PEAR1: variants seen among roughly 807,000 people sequenced by gnomAD.
The protein encoded by PEAR1 is platelet endothelial aggregation receptor 1.
PEAR1 carries 113 observed loss-of-function variants against 131.2 expected under a neutral mutation model. The observed-to-expected ratio is 0.86, with a 90% confidence interval of 0.74 to 1.01. The LOEUF is 1.01. PEAR1 is among the 50% of genes least tolerant of loss of function. The probability of loss-of-function intolerance (pLI) is 0.00; values close to 1 mark genes in which losing one functional copy is unlikely to be tolerated. For missense variants in PEAR1, 1,408 were observed against 1,391.1 expected, an observed-to-expected ratio of 1.01 and a Z score of -0.19; for synonymous variants, 565 against 523.3, an observed-to-expected ratio of 1.08 and a Z score of -1.09.
At chr1:156,905,259 CT>C (rs1221404212) in intron 3 of PEAR1, 64 bp from the exon 4 acceptor site, 16 of 1,530,434 alleles carry the variant, frequency 1.0e-5, no homozygotes, top group Non-Finnish European at 1.4e-5. Context: ...TGGCCTCCCC[CT>C]GGCCACACTG....
At chr1:156,911,761 T>G (rs1259414145) in intron 15 of PEAR1, among the ~76,000 whole-genome samples, 2 of 152,230 alleles carry the variant, frequency 1.3e-5, no homozygotes, top group Non-Finnish European at 2.9e-5. Context: ...CAGGCTGTTA[T>G]GAAGAAGACT....
rs1229013182 is a variant in PEAR1, at chr1:156,905,075, G to T, written c.206+223G>T. 2.9e-6 allele frequency: 4 copies of T among 1,387,966 alleles called. No individual in the cohort carries two copies. In the South Asian group the frequency reaches 3.8e-5, roughly 13 times the overall value. The allele number at this position is 1,387,966 out of a possible 1,614,324, so 86.0% of individuals were successfully genotyped here. A position where few individuals can be genotyped will look rare whatever the true frequency, so the allele number is the denominator to read the frequency against. ...CGCATGCATGTTACAGTATATGCCTGTGGGGTTGGGGGGGGGGCAAGAAGG... is the reference window on the plus strand; with the variant it reads ...CGCATGCATGTTACAGTATATGCCTTTGGGGTTGGGGGGGGGGCAAGAAGG... On this transcript the variant is annotated intron_variant, in intron 3 of 22. Transcript: ENST00000292357.
Position 156,909,877 on chromosome 1 carries a change from C to T in PEAR1, c.1538C>T (p.Pro513Leu). 6.2e-7 allele frequency: 1 copy of T among 1,610,780 alleles called. No individual in the cohort carries two copies. Among genetic ancestry groups the T allele is most frequent in the Non-Finnish European group, 8.5e-7 (1 of 1,177,538 alleles). Residue 513 changes from proline to leucine, a missense_variant, in exon 12 of 23, where the codon CCT (proline) becomes CTT (leucine). Coordinates refer to ENST00000292357, the MANE Select transcript of PEAR1 (RefSeq NM_001080471.3). ...CAAACTGGAGCCTGTACCTGCACCCCTGGGTGGCATGGGGCCCACTGCCAG... is the reference window on the plus strand; with the variant it reads ...CAAACTGGAGCCTGTACCTGCACCCTTGGGTGGCATGGGGCCCACTGCCAG... ...SPQTGACTCT[P>L]GWHGAHCQLP...
rs2101544654 is a variant in PEAR1 at position 156,912,918 on chromosome 1, G to A, written c.2358G>A (p.Glu786=). Residue 786 remains glutamate (E), a synonymous_variant, in exon 18 of 23, where the codon GAG becomes GAA. Coordinates refer to ENST00000292357, the MANE Select transcript of PEAR1 (RefSeq NM_001080471.3). The part of the protein sequence containing the change: ...IGYRHWQKGK[E]HHHLAVAYSS... ...ATCGGCACTGGCAAAAAGGCAAGGA[G>A]CACCACCACCTGGCTGTGGCTTACA... 6.2e-7 allele frequency: 1 copy of A among 1,614,250 alleles called. No individual in the cohort carries two copies.
At chr1:156,910,176 G>C in intron 13 of PEAR1, 58 bp from the exon 14 acceptor site, 3 of 1,613,204 alleles carry the variant, frequency 1.9e-6, no homozygotes, top group Non-Finnish European at 2.5e-6. Context: ...GTGTCCAGAA[G>C]AGCCCCCTGG....
intron 15 of PEAR1, among the ~76,000 whole-genome samples, chr1:156,911,072 T>TCTTTCTTTCTTTCTTTC: frequency 8.8e-6 from 1 of 114,028 alleles, no homozygotes; most frequent in South Asian, 3.3e-4. Context: ...TTTCTTTCTT[T>TCTTTCTTTCTTTCTTTC]CTTTCTTTCT....
intron 11 of PEAR1, 120 bp downstream of exon 11, chr1:156,909,156 C>T: frequency 7.5e-7 from 1 of 1,330,820 alleles, no homozygotes; most frequent in Non-Finnish European, 1.0e-6. Context: ...GGTGGAGGGG[C>T]AGCAGCTGGA....
rs1171561115 is a variant in PEAR1, at chr1:156,910,011, G to A, written c.1581G>A (p.Gly527=). The A allele has an allele frequency of 3.1e-6, 5 of 1,613,628 alleles. No individual in the cohort carries two copies. Among genetic ancestry groups the A allele is most frequent in the South Asian group, 1.1e-5 (1 of 91,088 alleles). The part of the protein sequence containing the change: ...GAHCQLPCPK[G]QFGEGCASRC... ...CTCCCCACTCCTTCTCCAAGAAGGG[G>A]CAGTTTGGAGAAGGTTGTGCCAGTC... Residue 527 remains glycine, a synonymous_variant, in exon 13 of 23, where the codon GGG becomes GGA. Transcript: ENST00000292357.
intron 14 of PEAR1, 28 bp from the exon 15 acceptor site, chr1:156,910,590 C>T: frequency 6.2e-7 from 1 of 1,611,958 alleles, no homozygotes; most frequent in South Asian, 1.1e-5. Flanking sequence ...GCCTCTGCCC[C>T]CAATCACCAT....
At chr1:156,914,583 G>C (rs1035355149) in intron 22 of PEAR1, 64 bp from the exon 23 acceptor site, 6 of 1,506,692 alleles carry the variant, frequency 4.0e-6, no homozygotes, top group Admixed American at 3.7e-5. Context: ...TGCAGTGGGA[G>C]TGGAGGGAGT....
chr1:156,913,256 T>C lies in PEAR1; in HGVS notation c.2485T>C (p.Ser829Pro), dbSNP rs1558148845. Residue 829 changes from serine to proline, a missense_variant, in exon 19 of 23, where the codon TCC (serine) becomes CCC (proline). Ser to Pro is a moderately conservative substitution (Grantham distance 74). Transcript: ENST00000292357. ...NPSYHTLSQC[S>P]PNPPPPNKVP... is the part of the protein sequence containing the mutation. ...CAGCTACCACACCCTGTCGCAGTGC[T>C]CCCCAAACCCCCCACCCCCTAACAA... is the stretch of plus-strand genomic sequence containing the variant. The C allele has an allele frequency of 6.2e-7, 1 of 1,610,950 alleles. No individual in the cohort carries two copies. The highest frequency in any genetic ancestry group is 1.1e-5 in the South Asian group (1 of 90,436).
rs563724208 is a variant in PEAR1, at chr1:156,913,891, C to T, written c.2753C>T (p.Ser918Phe). Residue 918 changes from serine to phenylalanine, a missense_variant, in exon 22 of 23, where the codon TCC becomes TTC. Coordinates refer to ENST00000292357, the MANE Select transcript of PEAR1 (RefSeq NM_001080471.3). ...SEEELGASVA[S>F]LSSENPYATI... is the part of the protein sequence containing the mutation. Reference sequence around the variant, plus strand: ...GAGGAGCTCGGGGCCAGTGTGGCTTCCCTGAGCAGTGAGAACCCATATGCC... The same window carrying T: ...GAGGAGCTCGGGGCCAGTGTGGCTTTCCTGAGCAGTGAGAACCCATATGCC... The T allele has an allele frequency of 1.7e-5, 28 of 1,613,874 alleles. No individual in the cohort carries two copies. Among genetic ancestry groups the T allele is most frequent in the Admixed American group, 3.3e-5 (2 of 59,976 alleles).
chr1:156,898,927 A>G (rs1204491025), intron 1 of PEAR1, among the ~76,000 whole-genome samples: 6 of 152,234 alleles, frequency 3.9e-5, no homozygotes. Flanking sequence ...GGATGGGGAA[A>G]GGCAGATAGC....
intron 1 of PEAR1, among the ~76,000 whole-genome samples, chr1:156,894,848 G>A (rs1363401787): frequency 6.6e-6 from 1 of 152,210 alleles, no homozygotes; most frequent in African/African-American, 2.4e-5. Context: ...GGATTGGGCC[G>A]GGTGTCAGCT....
At chr1:156,912,156 T>G in intron 15 of PEAR1, 91 bp from the exon 16 acceptor site, 218 of 1,479,042 alleles carry the variant, frequency 1.5e-4, no homozygotes, top group Middle Eastern at 2.4e-4. Flanking sequence ...AGACCAAAGC[T>G]GAGCTAAAGG....
intron 6 of PEAR1, among the ~76,000 whole-genome samples, chr1:156,907,139 G>A (rs1287810881): frequency 6.6e-6 from 1 of 152,204 alleles, no homozygotes; most frequent in East Asian, 1.9e-4. Context: ...GATAACATGA[G>A]GTAGCACGTG....
intron 1 of PEAR1, among the ~76,000 whole-genome samples, chr1:156,898,375 G>A (rs1036728980): frequency 6.6e-6 from 1 of 152,084 alleles, no homozygotes; most frequent in Non-Finnish European, 1.5e-5. Flanking sequence ...CCCCTTTCCC[G>A]CCCAGCCTCT....
At position 156,907,553 on chromosome 1, in the gene PEAR1, A is replaced by G. The variant is rs750567990; in HGVS notation, c.645-57A>G. The G allele has an allele frequency of 1.1e-5, 17 of 1,564,708 alleles. No individual in the cohort carries two copies. In the Admixed American group the frequency reaches 2.0e-4, roughly 18 times the overall value. On this transcript the variant is annotated intron_variant, in intron 6 of 22. Coordinates refer to ENST00000292357, the MANE Select transcript of PEAR1 (RefSeq NM_001080471.3). ...GTTGTGGGGGCAGTCCTTGGAGGCA[A>G]GAGAGGAAGCAGTTATTGCTTGTTT...
intron 19 of PEAR1, 34 bp downstream of exon 19, chr1:156,913,316 G>GA: frequency 2.5e-6 from 4 of 1,597,706 alleles, no homozygotes; most frequent in Non-Finnish European, 3.4e-6. Context: ...ACTGTGGAGG[G>GA]AAGCGCACAG....
Sources: gnomAD v4.1 joint callset for allele counts (sites outside exome capture counted in the v4.1 genomes callset) on GRCh38, gnomAD v4.1.1 for gene constraint, MANE v1.5 for transcripts, NCBI Gene and HGNC (gene_info 2026-07-23, HGNC 2026-07-21) for gene names.